Variants in NUP155 observed in about 807,000 individuals in gnomAD.
NUP155 encodes nuclear pore complex protein Nup155.
In NUP155, 71 loss-of-function variants were observed where a neutral mutation model predicts 180.4. That is an observed-to-expected ratio of 0.39 (90% confidence interval 0.33 to 0.48). The LOEUF (loss-of-function observed/expected upper bound fraction) is 0.48, where lower values mean the gene tolerates loss of function less well. Ranked by LOEUF, NUP155 falls within the 20% of genes least tolerant of loss-of-function variation. NUP155 has a pLI of 0.91. For missense variants in NUP155, 1,553 were observed against 1,648.9 expected (o/e 0.94, Z 1.01); for synonymous variants, 582 against 559.5 (o/e 1.04, Z -0.57).
chr5:37,370,892 AG>A lies in NUP155; in HGVS notation c.85del (p.Leu29SerfsTer77). 6.2e-7 allele frequency: 1 copy of A among 1,614,178 alleles called. No homozygotes were observed. ...LQEALENAGR[L>X]IDRQLQEDRM... is the part of the protein sequence containing the mutation. ...GTCCTCTTGCAACTGACGGTCGATG[AG>A]CCGTCCAGCATTTTCCAGAGCTTCC... On this transcript the variant is annotated frameshift_variant, in exon 1 of 35. Coordinates refer to ENST00000231498, the MANE Select transcript of NUP155 (RefSeq NM_153485.3). LOFTEE classifies it high-confidence loss of function.
chr5:37,292,134 CAGGAG>C, intron 34 of NUP155, 96 bp from the exon 35 acceptor site: 1 of 1,193,730 alleles, frequency 8.4e-7, no homozygotes, highest in Non-Finnish European at 1.2e-6. Context: ...TTAATTCTCA[CAGGAG>C]AGGAAAGACC....
At position 37,365,752 on chromosome 5, in the gene NUP155, T is replaced by TATATAC. The variant is rs1403169370; in HGVS notation, c.158-1369_158-1368insGTATAT. On this transcript the variant is annotated intron_variant, in intron 1 of 34. Transcript: ENST00000231498. ...AAAAAAAAAAAAATATATATATATA[T>TATATAC]ACACACACACACACACACACACACA... Among the ~76,000 whole-genome samples, 367 of 37,920 alleles carry TATATAC rather than the reference T, an allele frequency of 9.7e-3. 6 individuals are homozygous for TATATAC. The highest frequency in any genetic ancestry group is 0.016 in the South Asian group (11 of 694). The allele number at this position is 37,920 out of a possible 152,430, so 24.9% of individuals were successfully genotyped here. A position where few individuals can be genotyped will look rare whatever the true frequency, so the allele number is the denominator to read the frequency against.
At chr5:37,329,350 T>A in intron 15 of NUP155, 72 bp from the exon 16 acceptor site, 1 of 1,203,900 alleles carries the variant, frequency 8.3e-7, no homozygotes, top group Non-Finnish European at 1.2e-6. Context: ...GAATTGTTCC[T>A]TTTCCTGTTT....
At position 37,370,973 on chromosome 5, in the gene NUP155, G is replaced by T; in HGVS notation, c.5C>A (p.Pro2Gln). The part of the protein sequence containing the change: M[P>Q]SSLLGAAMPA... ...CATCGCCGCGCCCAACAAAGAAGAC[G>T]GCATCTCGGAAATCGTAGACACCAG... is the stretch of plus-strand genomic sequence containing the variant. Residue 2 changes from proline (P) to glutamine (Q), a missense_variant, in exon 1 of 35, where the codon CCG becomes CAG. By Grantham distance (76) the Pro-to-Gln change is moderately conservative. Transcript: ENST00000231498. 6.2e-7 allele frequency: 1 copy of T among 1,613,810 alleles called. No individual in the cohort carries two copies. The highest frequency in any genetic ancestry group is 8.5e-7 in the Non-Finnish European group (1 of 1,179,990).
chr5:37,333,277 C>G (rs946178123), intron 13 of NUP155, among the ~76,000 whole-genome samples, 186 bp downstream of exon 13: 1 of 151,942 alleles, frequency 6.6e-6, no homozygotes, highest in Non-Finnish European at 1.5e-5. Context: ...ATTGCTTGAT[C>G]TGGGGAGGCA....
intron 21 of NUP155, among the ~76,000 whole-genome samples, chr5:37,317,406 T>C (rs1285497455): frequency 3.3e-5 from 5 of 151,484 alleles, no homozygotes; most frequent in Admixed American, 3.3e-4. Flanking sequence ...AAGAATTTCT[T>C]GAACCCAGGA....
intron 21 of NUP155, among the ~76,000 whole-genome samples, chr5:37,316,276 A>G (rs1335989069): frequency 1.3e-5 from 2 of 152,234 alleles, no homozygotes; most frequent in Non-Finnish European, 2.9e-5. Flanking sequence ...ACGTTACAAC[A>G]TGGATGAACC....
intron 1 of NUP155, among the ~76,000 whole-genome samples, chr5:37,365,752 T>TATATACACACACAC (rs1403169370): frequency 1.6e-3 from 61 of 37,874 alleles, no homozygotes; most frequent in Non-Finnish European, 2.0e-3. Flanking sequence ...TATATATATA[T>TATATACACACACAC]ACACACACAC....
At position 37,337,881 on chromosome 5, in the gene NUP155, A is replaced by G; in HGVS notation, c.1284T>C (p.Asn428=). The G allele has an allele frequency of 1.9e-6, 3 of 1,610,662 alleles. No individual in the cohort carries two copies. Among genetic ancestry groups the G allele is most frequent in the Non-Finnish European group, 2.5e-6 (3 of 1,178,120 alleles). Residue 428 remains asparagine (N), a synonymous_variant, in exon 12 of 35, where the codon AAT becomes AAC. Transcript: ENST00000231498. ...LLMAASENED[N]DILWCVNHDT... is the part of the protein sequence containing the mutation. ...CATGGTTGACACACCATAAAATATC[A>G]TTATCCTCATTTTCTGAGGCTGCCA...
chr5:37,355,939 T>C (rs1746794836), intron 4 of NUP155, among the ~76,000 whole-genome samples: 1 of 151,922 alleles, frequency 6.6e-6, no homozygotes, highest in South Asian at 2.1e-4. Context: ...ATAAGAGATT[T>C]GGCATTATGC....
At chr5:37,309,092 G>C (rs1399507190) in intron 24 of NUP155, 37 bp downstream of exon 24, 1 of 1,603,456 alleles carries the variant, frequency 6.2e-7, no homozygotes, top group African/African-American at 1.3e-5. Flanking sequence ...TGTCTTTTGA[G>C]TTGAGTAAAA....
intron 11 of NUP155, 120 bp from the exon 12 acceptor site, chr5:37,338,038 G>A (rs1007215499): frequency 3.0e-5 from 20 of 666,438 alleles, no homozygotes; most frequent in East Asian, 1.4e-4. Flanking sequence ...TTATAAAACC[G>A]GGCTGGGCAC....
Position 37,364,246 on chromosome 5 carries a change from C to T in NUP155, c.295+1G>A. 1.9e-6 allele frequency: 3 copies of T among 1,607,176 alleles called. No homozygotes were observed. The highest frequency in any genetic ancestry group is 2.6e-6 in the Non-Finnish European group (3 of 1,173,782). ...AAAATAAATACAAAGTAATAGGATA[C>T]GTCCAAACTGCTCAACAAGTTCAGG... On this transcript the variant is annotated splice_donor_variant, in intron 2 of 34. Coordinates refer to ENST00000231498, the MANE Select transcript of NUP155 (RefSeq NM_153485.3). LOFTEE classifies it high-confidence loss of function.
In NUP155 at chr5:37,302,970, G is replaced by A. The variant is rs150081901; in HGVS notation, c.3318-62C>T. ...TCTTAAGGATTGATGATACAAATACGTCAATTAGTATGTACTGTTTCATAC... is the reference window on the plus strand; with the variant it reads ...TCTTAAGGATTGATGATACAAATACATCAATTAGTATGTACTGTTTCATAC... On this transcript the variant is annotated intron_variant, in intron 28 of 34. Coordinates refer to ENST00000231498, the MANE Select transcript of NUP155 (RefSeq NM_153485.3). 1.5e-3 allele frequency: 2,271 copies of A among 1,514,106 alleles called. 45 individuals carry two copies. In the African/African-American group the frequency reaches 0.028, roughly 19 times the overall value. 93.8% of individuals were successfully genotyped at this position (1,514,106 alleles called of 1,614,324 possible).
intron 1 of NUP155, among the ~76,000 whole-genome samples, chr5:37,370,062 A>G (rs1581227348): frequency 6.6e-6 from 1 of 152,182 alleles, no homozygotes; most frequent in East Asian, 1.9e-4. Context: ...CATAACACAC[A>G]TCTCTACACA....
At chr5:37,369,062 T>C (rs546581344) in intron 1 of NUP155, among the ~76,000 whole-genome samples, 2 of 152,146 alleles carry the variant, frequency 1.3e-5, no homozygotes, top group Non-Finnish European at 2.9e-5. Flanking sequence ...AGACCAGCCT[T>C]GTAACAGAGT....
chr5:37,356,928 C>T (rs113158299), intron 4 of NUP155, among the ~76,000 whole-genome samples: 7,056 of 152,154 alleles, frequency 0.046, 562 homozygotes, highest in African/African-American at 0.16. Context: ...GCCAACATGG[C>T]AAAACCCTGC....
Position 37,298,841 on chromosome 5 carries a change from G to A in NUP155, c.3793+27C>T, listed in dbSNP as rs771758869. 6.0e-6 allele frequency: 7 copies of A among 1,168,350 alleles called. No homozygotes were observed. In the East Asian group the frequency reaches 7.0e-5, roughly 12 times the overall value. The allele number at this position is 1,168,350 out of a possible 1,614,324, so 72.4% of individuals were successfully genotyped here. A position where few individuals can be genotyped will look rare whatever the true frequency, so the allele number is the denominator to read the frequency against. On this transcript the variant is annotated intron_variant, in intron 32 of 34. Coordinates refer to ENST00000231498, the MANE Select transcript of NUP155 (RefSeq NM_153485.3). ...AGAAAACCATCAGAACAGAAAATAC[G>A]TGACTGCACCTAAGATCACAGCTTA...
Position 37,327,652 on chromosome 5 carries a change from G to A in NUP155, c.2001C>T (p.Cys667=). Reference sequence around the variant, plus strand: ...ACCCCATGATCCGAGAAAAGTAAATGCAAATACCATTGTGTTTTCCAGAGT... The same window carrying A: ...ACCCCATGATCCGAGAAAAGTAAATACAAATACCATTGTGTTTTCCAGAGT... The part of the protein sequence containing the change: ...IVYSGKHNGI[C]IYFSRIMGNI... Residue 667 remains cysteine, a synonymous_variant, in exon 18 of 35, where the codon TGC becomes TGT. Transcript: ENST00000231498. 6.2e-7 allele frequency: 1 copy of A among 1,614,082 alleles called. No homozygotes were observed. Among genetic ancestry groups the A allele is most frequent in the Non-Finnish European group, 8.5e-7 (1 of 1,179,990 alleles).
Sources: allele counts gnomAD v4.1 joint callset (sites outside exome capture counted in the v4.1 genomes callset), GRCh38; gene constraint gnomAD v4.1.1; transcripts MANE v1.5; gene names NCBI Gene and HGNC (gene_info 2026-07-23, HGNC 2026-07-21).